The following PDE1A variants were observed in gnomAD, a reference collection of about 807,000 sequenced individuals.
The protein encoded by PDE1A is dual specificity calcium/calmodulin-dependent 3',5'-cyclic nucleotide phosphodiesterase 1A.
PDE1A carries 35 observed loss-of-function variants against 61.7 expected under a neutral mutation model. The observed-to-expected ratio is 0.57, with a 90% CI of 0.43 to 0.75. The LOEUF is 0.75. Among genes scored for constraint, PDE1A ranks in the 30% least tolerant of loss-of-function variants. The probability of loss-of-function intolerance (pLI) is 0.00; values close to 1 mark genes in which losing one functional copy is unlikely to be tolerated. For synonymous variants in PDE1A, 232 were observed against 213.2 expected (o/e 1.09, Z -0.77); for missense variants, 597 against 630.6 (o/e 0.95, Z 0.57).
chr2:182,452,203 G>C (rs901915962), intron 2 of PDE1A, among the ~76,000 whole-genome samples: 4 of 152,112 alleles, frequency 2.6e-5, no homozygotes, highest in Non-Finnish European at 5.9e-5. Flanking sequence ...CTGTGGTGCT[G>C]AGGTAACATT....
the PDE1A span, among the ~76,000 whole-genome samples, chr2:182,617,364 C>T: frequency 8.9e-3 from 1,360 of 152,328 alleles, 11 homozygotes; most frequent in South Asian, 0.024. Flanking sequence ...GTTTGCGAGG[C>T]TCTACCAGGG....
At chr2:182,243,832 T>C (rs1690745399) in intron 2 of PDE1A, among the ~76,000 whole-genome samples, 1 of 152,182 alleles carries the variant, frequency 6.6e-6, no homozygotes, top group Non-Finnish European at 1.5e-5. Flanking sequence ...TATAAACATA[T>C]GGCTCAAAGT....
chr2:182,704,216 A>AAC, the PDE1A span, among the ~76,000 whole-genome samples: 11 of 150,290 alleles, frequency 7.3e-5, no homozygotes, highest in Non-Finnish European at 1.2e-4. Context: ...GTCTGGAAAA[A>AAC]AAAAAAAAAC....
downstream of PDE1A, among the ~76,000 whole-genome samples, chr2:182,167,666 CA>C (rs1284549518): frequency 6.6e-6 from 1 of 152,058 alleles, no homozygotes; most frequent in Non-Finnish European, 1.5e-5. Context: ...TCCCAATTTG[CA>C]AACTGATATT....
chr2:182,457,385 G>A (rs1031285146), intron 2 of PDE1A, among the ~76,000 whole-genome samples: 2 of 151,872 alleles, frequency 1.3e-5, no homozygotes, highest in Non-Finnish European at 2.9e-5. Flanking sequence ...GTAGAAAACT[G>A]TAAATAAGCA....
At chr2:182,355,239 T>A (rs945614545) in intron 1 of PDE1A, among the ~76,000 whole-genome samples, 2 of 151,970 alleles carry the variant, frequency 1.3e-5, no homozygotes, top group Non-Finnish European at 2.9e-5. Context: ...ATATGGCCAC[T>A]CTTACCATTA....
chr2:182,210,377 G>A (rs1234268726), intron 7 of PDE1A, among the ~76,000 whole-genome samples: 1 of 152,100 alleles, frequency 6.6e-6, no homozygotes, highest in African/African-American at 2.4e-5. Context: ...GTATCTCATT[G>A]TTTCAATTTG....
chr2:182,403,598 C>CAAAATAAAAAAA (rs1702134204), intron 1 of PDE1A, among the ~76,000 whole-genome samples: 2 of 77,634 alleles, frequency 2.6e-5, no homozygotes, highest in African/African-American at 1.2e-4. Flanking sequence ...GACTCCGTCT[C>CAAAATAAAAAAA]AAAAAAAAAA....
At chr2:182,482,649 G>A (rs1404975421) in intron 2 of PDE1A, among the ~76,000 whole-genome samples, 1 of 152,108 alleles carries the variant, frequency 6.6e-6, no homozygotes, top group Admixed American at 6.6e-5. Flanking sequence ...GTTAACAGTA[G>A]GAGTCTGCGG....
At chr2:182,287,401 TTGTC>T (rs1313487543) in intron 1 of PDE1A, among the ~76,000 whole-genome samples, 1 of 152,152 alleles carries the variant, frequency 6.6e-6, no homozygotes, top group East Asian at 1.9e-4. Context: ...TATTTTTTAT[TTGTC>T]TGTCTATCAT....
At position 182,342,485 on chromosome 2, in the gene PDE1A, C is replaced by T. The variant is rs1476455370; in HGVS notation, c.54-78071G>A. Reference sequence around the variant, plus strand: ...GATCACGAGGTCAGGAGATGGAGACCATCCTGGCTAACACGGTGAAACCTC... The same window carrying T: ...GATCACGAGGTCAGGAGATGGAGACTATCCTGGCTAACACGGTGAAACCTC... On this transcript the variant is annotated intron_variant, in intron 1 of 13. Transcript: ENST00000351439. Among the ~76,000 whole-genome samples the T allele has an allele frequency of 2.0e-5, 3 of 152,124 alleles. 1 individual carries two copies. The highest frequency in any genetic ancestry group is 4.1e-4 in the South Asian group (2 of 4,828).
At chr2:182,277,379 G>T (rs1693497001) in intron 1 of PDE1A, among the ~76,000 whole-genome samples, 1 of 152,064 alleles carries the variant, frequency 6.6e-6, no homozygotes, top group Non-Finnish European at 1.5e-5. Flanking sequence ...TTGAAATATT[G>T]CGGGCGGGTT....
intron 2 of PDE1A, among the ~76,000 whole-genome samples, chr2:182,251,743 C>T (rs1042436618): frequency 1.3e-5 from 2 of 152,178 alleles, no homozygotes; most frequent in African/African-American, 4.8e-5. Context: ...CATTATTTCA[C>T]CGTCAGTGAT....
chr2:182,626,053 T>C, the PDE1A span, among the ~76,000 whole-genome samples: 1 of 152,278 alleles, frequency 6.6e-6, no homozygotes, highest in South Asian at 2.1e-4. Context: ...GGTAAGCTGA[T>C]CCTGCTCACC....
chr2:182,349,157 G>A lies in PDE1A; in HGVS notation c.53+77421C>T, dbSNP rs191338050. On this transcript the variant is annotated intron_variant, in intron 1 of 13. Transcript: ENST00000351439. ...AGTTAGAAAGCTCTTTGCTGTGGATGCCAGGAGAAGTATTTCAATATACTG... is the reference window on the plus strand; with the variant it reads ...AGTTAGAAAGCTCTTTGCTGTGGATACCAGGAGAAGTATTTCAATATACTG... Among the ~76,000 whole-genome samples, 15 of 152,286 alleles carry A rather than the reference G, an allele frequency of 9.8e-5. No individual in the cohort carries two copies. The East Asian group carries it at 2.9e-3, about 29-fold the overall frequency.
chr2:182,469,339 C>A (rs1686878509), intron 2 of PDE1A, among the ~76,000 whole-genome samples: 2 of 152,072 alleles, frequency 1.3e-5, no homozygotes, highest in South Asian at 2.1e-4. Context: ...CTTCATCTTG[C>A]ACTTTTATGT....
At chr2:182,325,240 G>C (rs1696963272) in intron 1 of PDE1A, among the ~76,000 whole-genome samples, 1 of 152,106 alleles carries the variant, frequency 6.6e-6, no homozygotes, top group Non-Finnish European at 1.5e-5. Flanking sequence ...AAGTTACATA[G>C]ATACTTTGTC....
chr2:182,622,444 C>T, the PDE1A span, among the ~76,000 whole-genome samples: 3 of 152,246 alleles, frequency 2.0e-5, no homozygotes, highest in South Asian at 6.2e-4. Flanking sequence ...GTGATAGTTT[C>T]CAAAATGAGT....
At chr2:182,603,412 T>C in the PDE1A span, among the ~76,000 whole-genome samples, 6 of 152,166 alleles carry the variant, frequency 3.9e-5, no homozygotes, top group Non-Finnish European at 7.3e-5. Context: ...AGTGGCGCCG[T>C]CTCAGTTCAC....
Sources: gnomAD v4.1 joint callset for allele counts (sites outside exome capture counted in the v4.1 genomes callset) on GRCh38, gnomAD v4.1.1 for gene constraint, MANE v1.5 for transcripts, NCBI Gene and HGNC (gene_info 2026-07-23, HGNC 2026-07-21) for gene names.